Variants in IRGM observed in about 807,000 individuals in gnomAD.
IRGM encodes the protein immunity-related GTPase family M protein.
For synonymous variants in IRGM, 98 were observed against 80.6 expected, an observed-to-expected ratio of 1.22 and a Z score of -1.16; for missense variants, 288 against 219.9, an observed-to-expected ratio of 1.31 and a Z score of -1.96.
chr5:150,864,055 A>C (rs1295469515), intron 1 of IRGM, among the ~76,000 whole-genome samples: 2 of 152,120 alleles, frequency 1.3e-5, no homozygotes, highest in African/African-American at 4.8e-5. Flanking sequence ...TACTTCCTGC[A>C]CAAATACTAC....
rs774537370 is a variant in IRGM, at chr5:150,898,578, A to G, written c.*141-2011A>G. ...CCCTGTAATAGTAAATTCCTGTTCA[A>G]TCTGAAATGATCATTCTCATAATTT... On this transcript the variant is annotated intron_variant and NMD_transcript_variant, in intron 3 of 3. Coordinates refer to the IRGM transcript ENST00000520549. 39 of 1,554,924 alleles carry G rather than the reference A, an allele frequency of 2.5e-5. No homozygotes were observed. The East Asian group carries it at 7.9e-4, about 32-fold the overall frequency.
Position 150,890,067 on chromosome 5 carries a change from G to C in IRGM, c.*140+10421G>C, listed in dbSNP as rs574699108. ...CTATCCCTTCCTCTTCAATTTTGTG[G>C]AAAAGCTTGTATAGAATTTGAATTG... On this transcript the variant is annotated intron_variant and NMD_transcript_variant, in intron 3 of 3. Coordinates refer to the IRGM transcript ENST00000520549. Among the ~76,000 whole-genome samples, 16 of 152,050 alleles carry C rather than the reference G, an allele frequency of 1.1e-4. No homozygotes were observed. The South Asian group carries it at 3.1e-3, about 30-fold the overall frequency.
intron 1 of IRGM, among the ~76,000 whole-genome samples, chr5:150,877,176 T>C (rs1231384336): frequency 4.6e-5 from 7 of 152,156 alleles, no homozygotes; most frequent in African/African-American, 1.7e-4. Context: ...TGATGGTTAA[T>C]ATTGCCAACT....
downstream of IRGM, chr5:150,848,795 G>A (rs1187852302): frequency 1.8e-5 from 12 of 679,592 alleles, no homozygotes; most frequent in Non-Finnish European, 2.5e-5. Context: ...CATGTAGAGA[G>A]TGTGGTTGTG....
chr5:150,886,894 T>G (rs1461294438), intron 3 of IRGM, among the ~76,000 whole-genome samples: 1 of 152,090 alleles, frequency 6.6e-6, no homozygotes, highest in African/African-American at 2.4e-5. Context: ...TTTTTGTGTC[T>G]TGATTTCCTT....
chr5:150,853,510 A>G (rs1754005520), downstream of IRGM, among the ~76,000 whole-genome samples: 1 of 152,096 alleles, frequency 6.6e-6, no homozygotes, highest in Non-Finnish European at 1.5e-5. Context: ...GATATTTCCT[A>G]CTATTACTGT....
Position 150,846,761 on chromosome 5 carries a change from C to T in IRGM, c.-875C>T, listed in dbSNP as rs12658239. 0.039 allele frequency: 5,944 copies of T among 152,840 alleles called. 194 individuals carry two copies. The highest frequency in any genetic ancestry group is 0.18 in the East Asian group (940 of 5,204). The allele number at this position is 152,840 out of a possible 1,614,324, so 9.5% of individuals were successfully genotyped here. On this transcript the variant is annotated 5_prime_UTR_variant, in exon 1 of 2. Coordinates refer to ENST00000522154, the MANE Select transcript of IRGM (RefSeq NM_001145805.2). Reference sequence around the variant, plus strand: ...CTCTCACTTCGAAGGTCTGCAGCTTCGCTCCTGAGTCAGTGAAACCACGAA... The same window carrying T: ...CTCTCACTTCGAAGGTCTGCAGCTTTGCTCCTGAGTCAGTGAAACCACGAA...
intron 3 of IRGM, among the ~76,000 whole-genome samples, chr5:150,883,052 T>A (rs1232273929): frequency 6.6e-6 from 1 of 152,032 alleles, no homozygotes; most frequent in Admixed American, 6.6e-5. Flanking sequence ...TAGAAATCAA[T>A]AACAGAAGGA....
chr5:150,860,896 C>G (rs556096433), intron 1 of IRGM, among the ~76,000 whole-genome samples: 30 of 151,808 alleles, frequency 2.0e-4, no homozygotes, highest in African/African-American at 6.8e-4. Flanking sequence ...ATTTTTTTTT[C>G]AGAGTATATT....
chr5:150,881,114 C>T (rs995764213), intron 3 of IRGM, among the ~76,000 whole-genome samples: 5 of 142,504 alleles, frequency 3.5e-5, no homozygotes, highest in South Asian at 4.5e-4. Flanking sequence ...GTGACAAAAG[C>T]GAAACTCCAT....
chr5:150,873,789 C>G (rs920078760), intron 1 of IRGM, among the ~76,000 whole-genome samples: 2 of 152,122 alleles, frequency 1.3e-5, no homozygotes, highest in African/African-American at 4.8e-5. Flanking sequence ...TGGGAAAGAC[C>G]AAATGGAAGC....
chr5:150,896,833 T>C lies in IRGM; in HGVS notation c.*141-3756T>C, dbSNP rs1224012547. The C allele has an allele frequency of 6.2e-7, 1 of 1,613,682 alleles. No individual in the cohort carries two copies. Among genetic ancestry groups the C allele is most frequent in the African/African-American group, 1.3e-5 (1 of 74,908 alleles). ...AGTTTGTCTTGATTCTCTAGAAATC[T>C]CTGCAGCTGACCATCACCTTGACAG... On this transcript the variant is annotated intron_variant and NMD_transcript_variant, in intron 3 of 3. Coordinates refer to the IRGM transcript ENST00000520549.
At chr5:150,895,844 A>C in intron 3 of IRGM, 1 of 1,613,694 alleles carries the variant, frequency 6.2e-7, no homozygotes, top group Non-Finnish European at 8.5e-7. Flanking sequence ...CAGTACATTC[A>C]TAAGGTTTTT....
Position 150,848,269 on chromosome 5 carries a change from T to G in IRGM, c.146T>G (p.Phe49Cys). 6.4e-7 allele frequency: 1 copy of G among 1,551,818 alleles called. No homozygotes were observed. Among genetic ancestry groups the G allele is most frequent in the South Asian group, 1.2e-5 (1 of 84,060 alleles). The change falls in exon 2 of 2, where the codon TTC becomes TGC. Residue 49 changes from phenylalanine (F) to cysteine (C), a missense_variant. Transcript: ENST00000522154. Reference sequence around the variant, plus strand: ...GACTCTGGCAATGGGATGTCCACCTTCATCAGTGCCCTTCGAAACACAGGA... The same window carrying G: ...GACTCTGGCAATGGGATGTCCACCTGCATCAGTGCCCTTCGAAACACAGGA... Reference protein sequence around the residue: ...AGDSGNGMSTFISALRNTGHE... With the variant: ...AGDSGNGMSTCISALRNTGHE...
At chr5:150,861,119 G>T (rs575547633) in intron 1 of IRGM, among the ~76,000 whole-genome samples, 1 of 152,316 alleles carries the variant, frequency 6.6e-6, no homozygotes, top group South Asian at 2.1e-4. Flanking sequence ...TCAGTCACCT[G>T]AAGGCTCCAG....
At chr5:150,862,298 TCA>T (rs1334099264) in intron 1 of IRGM, among the ~76,000 whole-genome samples, 1 of 152,204 alleles carries the variant, frequency 6.6e-6, no homozygotes, top group Non-Finnish European at 1.5e-5. Context: ...CGTAATGTAG[TCA>T]CAGAGTGACA....
At chr5:150,877,000 A>C (rs1012632907) in intron 1 of IRGM, among the ~76,000 whole-genome samples, 3 of 152,090 alleles carry the variant, frequency 2.0e-5, no homozygotes, top group African/African-American at 7.2e-5. Flanking sequence ...AAGCGTTGTT[A>C]ATTTTATGTA....
downstream of IRGM, chr5:150,848,789 T>TAG: frequency 1.4e-6 from 1 of 705,746 alleles, no homozygotes; most frequent in Non-Finnish European, 2.4e-6. Flanking sequence ...CGGGGGCATG[T>TAG]AGAGAGTGTG....
At chr5:150,884,185 A>T (rs1172900715) in intron 3 of IRGM, among the ~76,000 whole-genome samples, 1 of 152,122 alleles carries the variant, frequency 6.6e-6, no homozygotes, top group Non-Finnish European at 1.5e-5. Context: ...GCATTTGATA[A>T]AATTAAATAT....
Sources: allele counts gnomAD v4.1 joint callset (sites outside exome capture counted in the v4.1 genomes callset), GRCh38; gene constraint gnomAD v4.1.1; transcripts MANE v1.5; gene names NCBI Gene and HGNC (gene_info 2026-07-23, HGNC 2026-07-21).